Variants in AGPAT5 observed in about 807,000 individuals in gnomAD.
The protein encoded by AGPAT5 is 1-acylglycerol-3-phosphate O-acyltransferase 5, also known as 1-acyl-sn-glycerol-3-phosphate acyltransferase epsilon.
Under a neutral mutation model 45.6 loss-of-function variants are expected in AGPAT5, and 46 were observed. The observed-to-expected ratio is 1.01, with a 90% CI of 0.80 to 1.29. The LOEUF (loss-of-function observed/expected upper bound fraction) is 1.29, where lower values mean the gene tolerates loss of function less well. Ranked by LOEUF, AGPAT5 falls within the 50% of genes most tolerant of loss-of-function variation. The pLI, the probability that AGPAT5 is intolerant of heterozygous loss-of-function variation, is 0.00. For synonymous variants in AGPAT5, 272 were observed against 167.0 expected, an observed-to-expected ratio of 1.63 and a Z score of -4.85; for missense variants, 673 against 450.7, an observed-to-expected ratio of 1.49 and a Z score of -4.47.
At chr8:6,740,744 T>A (rs1335184495) in intron 4 of AGPAT5, among the ~76,000 whole-genome samples, 1 of 152,050 alleles carries the variant, frequency 6.6e-6, no homozygotes, top group East Asian at 1.9e-4. Context: ...GAAGGAAGGC[T>A]TCTGTACCAG....
In AGPAT5 at chr8:6,724,903, GA is replaced by G; in HGVS notation, c.257del (p.Asn86IlefsTer2). On this transcript the variant is annotated frameshift_variant, in exon 2 of 8. Transcript: ENST00000285518. LOFTEE classifies it high-confidence loss of function. ...ATATGGAGATTTGCCAAAAAATAAA[GA>G]AAATATAATATATTTAGCAAATCAT... is the stretch of plus-strand genomic sequence containing the variant. ...LLYGDLPKNK[E>X]NIIYLANHQS... The G allele has an allele frequency of 8.6e-7, 1 of 1,159,916 alleles. No individual in the cohort carries two copies. The highest frequency in any genetic ancestry group is 1.1e-6 in the Non-Finnish European group (1 of 879,416). The allele number at this position is 1,159,916 out of a possible 1,614,324, so 71.9% of individuals were successfully genotyped here.
chr8:6,740,203 C>T (rs975359414), intron 4 of AGPAT5, among the ~76,000 whole-genome samples: 5 of 151,930 alleles, frequency 3.3e-5, no homozygotes, highest in African/African-American at 7.2e-5. Context: ...GAGAAATAAT[C>T]GTTTTATTTA....
At chr8:6,740,842 C>T (rs1032160699) in intron 4 of AGPAT5, among the ~76,000 whole-genome samples, 2 of 152,092 alleles carry the variant, frequency 1.3e-5, no homozygotes, top group African/African-American at 2.4e-5. Context: ...CCATGAGCTC[C>T]TGTCTTGTTT....
At position 6,737,218 on chromosome 8, in the gene AGPAT5, G is replaced by A. The variant is rs556672826; in HGVS notation, c.496-4443G>A. 7.4e-4 allele frequency among the ~76,000 whole-genome samples: 113 copies of A among 152,244 alleles called. 1 individual carries two copies. Among genetic ancestry groups the A allele is most frequent in the Middle Eastern group, 3.4e-3 (1 of 294 alleles). On this transcript the variant is annotated intron_variant, in intron 4 of 7. Transcript: ENST00000285518. ...CACTGTAAGGTCACTGTCCCAGGTC[G>A]GGTTTCTAAGAATCTGGATGGTTGT...
At chr8:6,722,424 G>T (rs1350280459) in intron 1 of AGPAT5, among the ~76,000 whole-genome samples, 1 of 152,144 alleles carries the variant, frequency 6.6e-6, no homozygotes, top group Non-Finnish European at 1.5e-5. Flanking sequence ...CATGTTTCAA[G>T]ATTTGCATGT....
intron 6 of AGPAT5, among the ~76,000 whole-genome samples, chr8:6,748,089 C>T (rs376248971): frequency 1.3e-5 from 2 of 151,772 alleles, no homozygotes; most frequent in African/African-American, 4.8e-5. Context: ...AAAGTTCACA[C>T]TTAAAAGGAA....
intron 1 of AGPAT5, among the ~76,000 whole-genome samples, chr8:6,713,657 G>A (rs115793724): frequency 0.022 from 3,307 of 152,170 alleles, 136 homozygotes; most frequent in African/African-American, 0.075. Context: ...GGGCTCAAGC[G>A]GTCCTCCCAC....
chr8:6,708,774 C>G lies in AGPAT5; in HGVS notation c.106C>G (p.Arg36Gly), dbSNP rs762669378. Reference protein sequence around the residue: ...PTYVLAWGVWRLLSAFLPARF... With the variant: ...PTYVLAWGVWGLLSAFLPARF... ...CTACGTGTTGGCCTGGGGGGTCTGGCGGCTGCTCTCCGCCTTCCTGCCCGC... is the reference window on the plus strand; with the variant it reads ...CTACGTGTTGGCCTGGGGGGTCTGGGGGCTGCTCTCCGCCTTCCTGCCCGC... The change falls in exon 1 of 8, where the codon CGG becomes GGG. Residue 36 changes from arginine to glycine, a missense_variant. Coordinates refer to ENST00000285518, the MANE Select transcript of AGPAT5 (RefSeq NM_018361.5). 1.9e-6 allele frequency: 3 copies of G among 1,608,664 alleles called. No homozygotes were observed. Among genetic ancestry groups the G allele is most frequent in the East Asian group, 2.2e-5 (1 of 44,838 alleles).
rs926064163 is a variant in AGPAT5 at position 6,736,170 on chromosome 8, C to G, written c.495+3520C>G. ...CCCAGCCTTCTTCATCTAGCTTTAA[C>G]ATCTAATGTTGACATCTTACATAAC... On this transcript the variant is annotated intron_variant, in intron 4 of 7. Coordinates refer to ENST00000285518, the MANE Select transcript of AGPAT5 (RefSeq NM_018361.5). 2.6e-5 allele frequency among the ~76,000 whole-genome samples: 4 copies of G among 152,248 alleles called. No individual in the cohort carries two copies. In the South Asian group the frequency reaches 8.3e-4, roughly 32 times the overall value.
intron 4 of AGPAT5, chr8:6,738,405 T>A (rs920265130): frequency 6.6e-6 from 1 of 152,214 alleles, no homozygotes; most frequent in African/African-American, 2.4e-5. Context: ...ACGACATTTA[T>A]CAATTAAATT....
intron 1 of AGPAT5, among the ~76,000 whole-genome samples, chr8:6,717,075 G>T (rs771864348): frequency 1.3e-5 from 2 of 152,212 alleles, no homozygotes; most frequent in Admixed American, 6.5e-5. Flanking sequence ...GAGTAAGGCA[G>T]AATGAGCAAA....
intron 1 of AGPAT5, among the ~76,000 whole-genome samples, chr8:6,720,267 A>G (rs538912952): frequency 6.7e-6 from 1 of 149,402 alleles, no homozygotes; most frequent in East Asian, 2.0e-4. Context: ...CAAAAAAAAA[A>G]CTTGGAATGA....
intron 5 of AGPAT5, chr8:6,745,786 C>T (rs1801429389): frequency 6.7e-6 from 1 of 149,822 alleles, no homozygotes; most frequent in African/African-American, 2.5e-5. Context: ...CTTTATTATT[C>T]TCAGCCACTG....
intron 2 of AGPAT5, among the ~76,000 whole-genome samples, chr8:6,728,026 G>A (rs1017882558): frequency 1.2e-4 from 19 of 152,154 alleles, no homozygotes; most frequent in African/African-American, 4.3e-4. Context: ...TTAGCATAGC[G>A]CTGGATCCAT....
chr8:6,758,434 T>C lies in AGPAT5; in HGVS notation c.*1046T>C, dbSNP rs950696809. The C allele has an allele frequency of 6.5e-6, 1 of 152,692 alleles. No individual in the cohort carries two copies. Among genetic ancestry groups the C allele is most frequent in the Non-Finnish European group, 1.5e-5 (1 of 68,070 alleles). 9.5% of individuals were successfully genotyped at this position (152,692 alleles called of 1,614,324 possible). On this transcript the variant is annotated 3_prime_UTR_variant, in exon 8 of 8. Transcript: ENST00000285518. ...TTCCCTTGGATCCCGTCAGTGGTGCTGCTCAGCGGCTTGCACGCAGACTTG... is the reference window on the plus strand; with the variant it reads ...TTCCCTTGGATCCCGTCAGTGGTGCCGCTCAGCGGCTTGCACGCAGACTTG...
At chr8:6,732,966 C>T (rs1346704305) in intron 4 of AGPAT5, among the ~76,000 whole-genome samples, 1 of 152,138 alleles carries the variant, frequency 6.6e-6, no homozygotes, top group Non-Finnish European at 1.5e-5. Context: ...AGTTTACAAG[C>T]TCATCTTACT....
At chr8:6,716,817 G>C (rs1800347149) in intron 1 of AGPAT5, among the ~76,000 whole-genome samples, 1 of 152,010 alleles carries the variant, frequency 6.6e-6, no homozygotes, top group Non-Finnish European at 1.5e-5. Flanking sequence ...TGGGCAACAA[G>C]AGCGAAATTC....
At chr8:6,737,760 A>G (rs1563296686) in intron 4 of AGPAT5, among the ~76,000 whole-genome samples, 1 of 152,198 alleles carries the variant, frequency 6.6e-6, no homozygotes, top group African/African-American at 2.4e-5. Flanking sequence ...CTTCTGTTTA[A>G]TCTTTATTTT....
At chr8:6,719,227 T>C (rs1800424770) in intron 1 of AGPAT5, among the ~76,000 whole-genome samples, 1 of 152,156 alleles carries the variant, frequency 6.6e-6, no homozygotes, top group Admixed American at 6.5e-5. Flanking sequence ...CTAGAAAGAA[T>C]TTTTTTGCAC....
Sources: allele counts gnomAD v4.1 joint callset (sites outside exome capture counted in the v4.1 genomes callset), GRCh38; gene constraint gnomAD v4.1.1; transcripts MANE v1.5; gene names NCBI Gene and HGNC (gene_info 2026-07-23, HGNC 2026-07-21).